OVCH2: variants seen among roughly 807,000 people sequenced by gnomAD.
OVCH2 encodes the protein ovochymase-2.
A neutral mutation model predicts 73.7 loss-of-function variants in OVCH2; 88 were observed. The ratio of observed to expected loss-of-function variants is 1.19; its 90% CI spans 1.01 to 1.43. The LOEUF (loss-of-function observed/expected upper bound fraction) is 1.43. Ranked by LOEUF, OVCH2 falls within the 40% of genes most tolerant of loss-of-function variation. The pLI is 0.00. For missense variants in OVCH2, 706 were observed against 674.5 expected, an observed-to-expected ratio of 1.05 and a Z score of -0.52; for synonymous variants, 265 against 234.5, an observed-to-expected ratio of 1.13 and a Z score of -1.19.
chr11:7,684,518 G>A (rs1478453849), downstream of OVCH2, among the ~76,000 whole-genome samples: 5 of 138,696 alleles, frequency 3.6e-5, no homozygotes, highest in Non-Finnish European at 8.1e-5. Context: ...GTGTGTGTGT[G>A]TGTGTGTGTG....
At chr11:7,700,564 G>A (rs1297853899) in intron 6 of OVCH2, 79 bp from the exon 7 acceptor site, 1 of 1,442,796 alleles carries the variant, frequency 6.9e-7, no homozygotes, top group African/African-American at 1.4e-5. Flanking sequence ...TCACAAGGAT[G>A]CTGGAGGAGG....
rs138985828 is a variant in OVCH2 at position 7,697,296 on chromosome 11, C to T, written c.926-497G>A. Among the ~76,000 whole-genome samples the T allele has an allele frequency of 1.3e-3, 194 of 152,334 alleles. 1 individual carries two copies. Among genetic ancestry groups the T allele is most frequent in the East Asian group, 9.5e-3 (49 of 5,178 alleles). On this transcript the variant is annotated intron_variant, in intron 8 of 15. Transcript: ENST00000533663. ...GACTCAAGCGATCCTCCCACCTGAGCCTCCCAAATTGCTGTGATTACAGGC... is the reference window on the plus strand; with the variant it reads ...GACTCAAGCGATCCTCCCACCTGAGTCTCCCAAATTGCTGTGATTACAGGC...
chr11:7,690,875 C>CT (rs1176872611), intron 14 of OVCH2, among the ~76,000 whole-genome samples: 1 of 152,106 alleles, frequency 6.6e-6, no homozygotes, highest in Admixed American at 6.5e-5. Context: ...GTGCAAAACT[C>CT]TGTGGTGTGC....
At chr11:7,689,744 A>C in intron 15 of OVCH2, 142 bp from the exon 16 acceptor site, 1 of 680,290 alleles carries the variant, frequency 1.5e-6, no homozygotes. Context: ...TAATAACCTC[A>C]TTTTAACTGA....
intron 6 of OVCH2, among the ~76,000 whole-genome samples, chr11:7,700,868 G>C (rs898777446): frequency 6.6e-6 from 1 of 152,174 alleles, no homozygotes; most frequent in Non-Finnish European, 1.5e-5. Context: ...TTCTAAATAG[G>C]AAAGAGTCAG....
the OVCH2 span, among the ~76,000 whole-genome samples, chr11:7,683,782 C>G: frequency 1.3e-5 from 2 of 152,162 alleles, no homozygotes; most frequent in Non-Finnish European, 2.9e-5. Context: ...TCAGGTCTTT[C>G]GTACTTGCCT....
In OVCH2 at chr11:7,695,464, C is replaced by G. The variant is rs1398854812; in HGVS notation, c.1282+106G>C. The G allele has an allele frequency of 1.4e-5, 16 of 1,160,738 alleles. No individual in the cohort carries two copies. The East Asian group carries it at 4.1e-4, about 29-fold the overall frequency. 71.9% of individuals were successfully genotyped at this position (1,160,738 alleles called of 1,614,324 possible). On this transcript the variant is annotated intron_variant, in intron 11 of 15. Coordinates refer to ENST00000533663, the MANE Select transcript of OVCH2 (RefSeq NM_198185.7). ...CCTGTGCCCCTCTCCCATGTGGAGT[C>G]AGTTGGGCCTTGGGAGAGGGATCCC...
rs1297622269 is a variant in OVCH2, at chr11:7,696,576, T to C, written c.1030A>G (p.Thr344Ala). 1 of 1,613,814 alleles carries C rather than the reference T, an allele frequency of 6.2e-7. No individual in the cohort carries two copies. The highest frequency in any genetic ancestry group is 1.3e-5 in the African/African-American group (1 of 74,906). ...YYESKQRCVW[T>A]LLVPEEMHVL... ...TGCATTTCCTCTGGTACCAGCAGGG[T>C]CCAGACACACCGTCTGTAGGCAGAT... Residue 344 changes from threonine to alanine, a missense_variant, in exon 10 of 16, where the codon ACC becomes GCC. Transcript: ENST00000533663.
chr11:7,702,467 A>G lies in OVCH2; in HGVS notation c.291-138T>C, dbSNP rs1856463048. ...AGGCTGCTGAGCAGAGAAAGTGAGAATAATTCCAACACTGTTAGAAAAAAA... is the reference window on the plus strand; with the variant it reads ...AGGCTGCTGAGCAGAGAAAGTGAGAGTAATTCCAACACTGTTAGAAAAAAA... On this transcript the variant is annotated intron_variant, in intron 3 of 15. Coordinates refer to ENST00000533663, the MANE Select transcript of OVCH2 (RefSeq NM_198185.7). 5.7e-6 allele frequency: 4 copies of G among 702,572 alleles called. No individual in the cohort carries two copies. In the East Asian group the frequency reaches 1.2e-4, roughly 20 times the overall value. 43.5% of individuals were successfully genotyped at this position (702,572 alleles called of 1,614,324 possible). A position where few individuals can be genotyped will look rare whatever the true frequency, so the allele number is the denominator to read the frequency against.
intron 7 of OVCH2, chr11:7,699,805 A>G (rs578014812): frequency 2.0e-5 from 3 of 153,636 alleles, no homozygotes; most frequent in Non-Finnish European, 4.3e-5. Flanking sequence ...GCAGCATCCA[A>G]GTCCCCTACC....
chr11:7,691,134 C>T lies in OVCH2; in HGVS notation c.1639+135G>A. 3.6e-6 allele frequency: 4 copies of T among 1,107,938 alleles called. No individual in the cohort carries two copies. In the South Asian group the frequency reaches 6.1e-5, roughly 17 times the overall value. 68.6% of individuals were successfully genotyped at this position (1,107,938 alleles called of 1,614,324 possible). The stretch of plus-strand genomic sequence containing the variant: ...GCTGAGTATTCTCTTATTCAGTGTC[C>T]ATGGTGACTTGATAGGATGTAATTA... On this transcript the variant is annotated intron_variant, in intron 14 of 15. Transcript: ENST00000533663.
intron 11 of OVCH2, 52 bp downstream of exon 11, chr11:7,695,518 A>AGGAATT: frequency 6.5e-7 from 1 of 1,532,316 alleles, no homozygotes; most frequent in African/African-American, 1.4e-5. Context: ...TATGGGGCCT[A>AGGAATT]AGCTTCTACA....
At chr11:7,702,118 C>T (rs1165110098) in intron 4 of OVCH2, 39 bp downstream of exon 4, 7 of 1,526,100 alleles carry the variant, frequency 4.6e-6, no homozygotes, top group Non-Finnish European at 6.3e-6. Context: ...TTATAGAGAA[C>T]ATGGGGTAGA....
At chr11:7,691,477 G>C (rs1372382325) in intron 13 of OVCH2, 77 bp from the exon 14 acceptor site, 2 of 1,502,264 alleles carry the variant, frequency 1.3e-6, no homozygotes, top group Non-Finnish European at 1.8e-6. Flanking sequence ...AAGAAAAAAA[G>C]AAAATCATCC....
At chr11:7,704,751 G>T in intron 1 of OVCH2, 77 bp from the exon 2 acceptor site, 1 of 952,048 alleles carries the variant, frequency 1.1e-6, no homozygotes, top group Non-Finnish European at 1.6e-6. Context: ...TTTCACCCAT[G>T]AAACTGAGTC....
At chr11:7,701,949 T>G in intron 4 of OVCH2, 138 bp from the exon 5 acceptor site, 1 of 828,008 alleles carries the variant, frequency 1.2e-6, no homozygotes, top group South Asian at 1.8e-5. Context: ...CTCCAGGGGT[T>G]ACTTGTCAAT....
chr11:7,694,169 TAAAAG>T (rs1010871772), intron 12 of OVCH2, among the ~76,000 whole-genome samples: 30 of 152,286 alleles, frequency 2.0e-4, no homozygotes, highest in African/African-American at 6.7e-4. Context: ...ATTATTATTT[TAAAAG>T]AAAGATCTAT....
At chr11:7,698,629 G>A in intron 8 of OVCH2, 121 bp downstream of exon 8, 1 of 958,866 alleles carries the variant, frequency 1.0e-6, no homozygotes, top group Non-Finnish European at 1.5e-6. Flanking sequence ...TGCTCCAGGT[G>A]GTAGTTTTAG....
chr11:7,694,493 G>A (rs966822809), intron 12 of OVCH2, among the ~76,000 whole-genome samples: 2 of 151,984 alleles, frequency 1.3e-5, no homozygotes, highest in South Asian at 2.1e-4. Flanking sequence ...GATGATTTTG[G>A]CCTGATTGAC....
Sources: allele counts gnomAD v4.1 joint callset (sites outside exome capture counted in the v4.1 genomes callset), GRCh38; gene constraint gnomAD v4.1.1; transcripts MANE v1.5; gene names NCBI Gene and HGNC (gene_info 2026-07-23, HGNC 2026-07-21).